The following PRTFDC1 variants were observed in gnomAD, a reference collection of about 807,000 sequenced individuals.
The protein encoded by PRTFDC1 is phosphoribosyltransferase domain-containing protein 1.
PRTFDC1 carries 38 observed loss-of-function variants against 34.6 expected under a neutral mutation model. That is an observed-to-expected ratio of 1.10 (90% CI 0.85 to 1.44). The LOEUF is 1.44. PRTFDC1 is among the 40% of genes most tolerant of loss of function. PRTFDC1 has a pLI of 0.00. For missense variants in PRTFDC1, 270 were observed against 283.0 expected, an observed-to-expected ratio of 0.95 and a Z score of 0.33; for synonymous variants, 93 against 98.1, an observed-to-expected ratio of 0.95 and a Z score of 0.31.
At chr10:24,873,994 A>G (rs1378170238) in intron 3 of PRTFDC1, among the ~76,000 whole-genome samples, 1 of 151,436 alleles carries the variant, frequency 6.6e-6, no homozygotes, top group Non-Finnish European at 1.5e-5. Context: ...TGCTGCCTCA[A>G]ACTCCTGGGC....
At chr10:24,886,032 GAAACTATC>G (rs1848158494) in intron 3 of PRTFDC1, among the ~76,000 whole-genome samples, 1 of 152,162 alleles carries the variant, frequency 6.6e-6, no homozygotes, top group African/African-American at 2.4e-5. Context: ...TCAGGGCAGT[GAAACTATC>G]TTGTATGATA....
At chr10:24,910,091 G>A (rs1196753151) in intron 3 of PRTFDC1, among the ~76,000 whole-genome samples, 2 of 152,034 alleles carry the variant, frequency 1.3e-5, no homozygotes, top group African/African-American at 2.4e-5. Flanking sequence ...AACCCAGGAG[G>A]CAGAGGTTGC....
chr10:24,937,329 C>G lies in PRTFDC1; in HGVS notation c.194G>C (p.Gly65Ala), dbSNP rs1416615275. The G allele has an allele frequency of 7.4e-6, 12 of 1,612,512 alleles. No individual in the cohort carries two copies. Among genetic ancestry groups the G allele is most frequent in the East Asian group, 6.7e-5 (3 of 44,840 alleles). The part of the protein sequence containing the change: ...RLAKDIMKDI[G>A]YSDIMVLCVL... ...ACACAGGACCATGATGTCACTATAT[C>G]CTATGTCTTTCATAATATCCTTGGC... Residue 65 changes from glycine (G) to alanine (A), a missense_variant, in exon 3 of 9, where the codon GGA (glycine) becomes GCA (alanine). Gly to Ala is a moderately conservative substitution (Grantham distance 60). Transcript: ENST00000320152.
At chr10:24,883,242 G>A (rs1249342325) in intron 3 of PRTFDC1, among the ~76,000 whole-genome samples, 1 of 151,878 alleles carries the variant, frequency 6.6e-6, no homozygotes, top group Non-Finnish European at 1.5e-5. Context: ...CAAACATGAT[G>A]TGACTTTCTT....
intron 3 of PRTFDC1, among the ~76,000 whole-genome samples, chr10:24,885,207 T>C (rs1205273142): frequency 3.3e-5 from 5 of 152,344 alleles, no homozygotes; most frequent in East Asian, 1.9e-4. Flanking sequence ...CTGGGACCCA[T>C]AAATGTTAGG....
chr10:24,881,330 A>G (rs759464964), intron 3 of PRTFDC1, among the ~76,000 whole-genome samples: 16 of 152,208 alleles, frequency 1.1e-4, no homozygotes, highest in Non-Finnish European at 1.0e-4. Flanking sequence ...TTGGCCTCCC[A>G]AAGCACCTGG....
intron 3 of PRTFDC1, among the ~76,000 whole-genome samples, chr10:24,903,904 G>T (rs1160007296): frequency 6.6e-6 from 1 of 151,520 alleles, no homozygotes; most frequent in Admixed American, 6.6e-5. Context: ...CCCCAGGCTG[G>T]TCTCAAACTT....
intron 3 of PRTFDC1, among the ~76,000 whole-genome samples, chr10:24,920,634 C>T (rs1158448336): frequency 6.6e-6 from 1 of 152,156 alleles, no homozygotes; most frequent in Non-Finnish European, 1.5e-5. Context: ...CCATGGCACA[C>T]ATTTACCTAT....
chr10:24,933,839 A>G (rs1262832816), intron 3 of PRTFDC1, among the ~76,000 whole-genome samples: 2 of 151,856 alleles, frequency 1.3e-5, no homozygotes, highest in South Asian at 2.1e-4. Flanking sequence ...GATTACAGGT[A>G]TCTGCCACCA....
intron 3 of PRTFDC1, among the ~76,000 whole-genome samples, chr10:24,907,685 GT>G (rs1848558442): frequency 6.6e-6 from 1 of 152,108 alleles, no homozygotes; most frequent in South Asian, 2.1e-4. Flanking sequence ...CAACATAATC[GT>G]TTTTGGCATT....
chr10:24,912,291 A>AT (rs1564310589), intron 3 of PRTFDC1, among the ~76,000 whole-genome samples: 10 of 138,936 alleles, frequency 7.2e-5, no homozygotes, highest in Non-Finnish European at 6.0e-5. Flanking sequence ...AAAAAAAAAA[A>AT]AAAAGAAAGA....
intron 3 of PRTFDC1, among the ~76,000 whole-genome samples, chr10:24,916,277 AT>A (rs2132576162): frequency 6.6e-6 from 1 of 152,328 alleles, no homozygotes; most frequent in East Asian, 1.9e-4. Context: ...TTACTGCAAT[AT>A]CTTTTCAGCC....
Position 24,876,182 on chromosome 10 carries a change from C to A in PRTFDC1, c.340-4119G>T, listed in dbSNP as rs182048462. On this transcript the variant is annotated intron_variant, in intron 3 of 8. Coordinates refer to ENST00000320152, the MANE Select transcript of PRTFDC1 (RefSeq NM_020200.7). ...ATTGCTTGAGCCCAGGAGTTTGAGACCAGCCTGAGCAACATAGTGAGACCA... is the reference window on the plus strand; with the variant it reads ...ATTGCTTGAGCCCAGGAGTTTGAGAACAGCCTGAGCAACATAGTGAGACCA... Among the ~76,000 whole-genome samples, 715 of 150,872 alleles carry A rather than the reference C, an allele frequency of 4.7e-3. 5 individuals are homozygous for A. Among genetic ancestry groups the A allele is most frequent in the African/African-American group, 0.016 (652 of 41,128 alleles).
At chr10:24,895,964 T>C (rs376112849) in intron 3 of PRTFDC1, among the ~76,000 whole-genome samples, 1 of 152,144 alleles carries the variant, frequency 6.6e-6, no homozygotes, top group East Asian at 1.9e-4. Flanking sequence ...CCTTCTTTCT[T>C]TCACTGCACT....
chr10:24,948,673 A>G (rs1849289511), intron 1 of PRTFDC1, among the ~76,000 whole-genome samples: 1 of 152,132 alleles, frequency 6.6e-6, no homozygotes, highest in African/African-American at 2.4e-5. Flanking sequence ...ACAGATTTCT[A>G]CCAACTCGGA....
At chr10:24,944,926 C>T (rs1849230655) in intron 1 of PRTFDC1, among the ~76,000 whole-genome samples, 1 of 152,174 alleles carries the variant, frequency 6.6e-6, no homozygotes, top group Admixed American at 6.6e-5. Flanking sequence ...CTGACTCATT[C>T]CTGGCACTCT....
chr10:24,949,572 C>T (rs1252851739), intron 1 of PRTFDC1, among the ~76,000 whole-genome samples: 1 of 152,136 alleles, frequency 6.6e-6, no homozygotes, highest in African/African-American at 2.4e-5. Context: ...TGAGGTTAAT[C>T]TAATTATTCC....
At chr10:24,872,806 A>ATATAT (rs1235935301) in intron 3 of PRTFDC1, among the ~76,000 whole-genome samples, 4 of 117,606 alleles carry the variant, frequency 3.4e-5, no homozygotes, top group East Asian at 2.4e-4. Context: ...ATATATATAT[A>ATATAT]TTTTTTTTTT....
intron 3 of PRTFDC1, among the ~76,000 whole-genome samples, chr10:24,891,345 C>A (rs1432055959): frequency 6.6e-6 from 1 of 152,024 alleles, no homozygotes; most frequent in South Asian, 2.1e-4. Flanking sequence ...TATAACAAAA[C>A]CTTGCTTTTT....
Sources: allele counts gnomAD v4.1 joint callset (sites outside exome capture counted in the v4.1 genomes callset), GRCh38; gene constraint gnomAD v4.1.1; transcripts MANE v1.5; gene names NCBI Gene and HGNC (gene_info 2026-07-23, HGNC 2026-07-21).